Variants in GRM1 observed in about 807,000 individuals in gnomAD.
The protein encoded by GRM1 is glutamate metabotropic receptor 1.
In GRM1, 33 loss-of-function variants were observed where a neutral mutation model predicts 90.9. That is an observed-to-expected ratio of 0.36 (90% CI 0.28 to 0.49). The LOEUF (loss-of-function observed/expected upper bound fraction) is 0.49. Among genes scored for constraint, GRM1 ranks in the 20% least tolerant of loss-of-function variants. The pLI, the probability that GRM1 is intolerant of heterozygous loss-of-function variation, is 0.99. For missense variants in GRM1, 1,190 were observed against 1,534.3 expected, an observed-to-expected ratio of 0.78 and a Z score of 3.75; for synonymous variants, 700 against 613.2, an observed-to-expected ratio of 1.14 and a Z score of -2.09.
chr6:146,108,344 T>C (rs1050581980), intron 1 of GRM1, among the ~76,000 whole-genome samples: 47 of 151,910 alleles, frequency 3.1e-4, no homozygotes, highest in African/African-American at 1.1e-3. Context: ...TGGTGGGAGG[T>C]GATTAAATGA....
At chr6:146,418,813 C>A (rs1178129465) in intron 7 of GRM1, among the ~76,000 whole-genome samples, 1 of 152,104 alleles carries the variant, frequency 6.6e-6, no homozygotes, top group African/African-American at 2.4e-5. Flanking sequence ...CCTACCCAGG[C>A]AGTCCCAATT....
At position 146,434,281 on chromosome 6, in the gene GRM1, C is replaced by T; in HGVS notation, c.3070C>T (p.Pro1024Ser). Residue 1024 changes from proline to serine, a missense_variant, in exon 8 of 8, where the codon CCT becomes TCT. Physicochemically the swap from Pro to Ser is moderately conservative, Grantham distance 74. Around this residue, in one of 10 missense-constraint regions of GRM1, gnomAD observed 400 missense variants for 360.8 expected, o/e 1.11. Transcript: ENST00000282753. ...TCCTCTCCAGCAGCAGCAGCAACCC[C>T]CTCCACAGCAGAAATCGCTGATGGA... ...PPPLQQQQQP[P>S]PQQKSLMDQL... is the part of the protein sequence containing the mutation. The T allele has an allele frequency of 6.2e-7, 1 of 1,602,370 alleles. No individual in the cohort carries two copies. Among genetic ancestry groups the T allele is most frequent in the Non-Finnish European group, 8.5e-7 (1 of 1,172,444 alleles).
intron 2 of GRM1, among the ~76,000 whole-genome samples, chr6:146,270,879 T>G (rs564448501): frequency 7.3e-5 from 7 of 96,088 alleles, no homozygotes; most frequent in African/African-American, 3.6e-4. Flanking sequence ...CTTTCTTTCT[T>G]TCTTTCTTTC....
chr6:146,273,598 C>A (rs1228089371), intron 2 of GRM1, among the ~76,000 whole-genome samples: 1 of 152,172 alleles, frequency 6.6e-6, no homozygotes, highest in African/African-American at 2.4e-5. Context: ...CTAAGTGATG[C>A]CTAGGGCTTA....
chr6:146,344,299 C>T (rs533045678), intron 3 of GRM1, among the ~76,000 whole-genome samples: 10 of 152,268 alleles, frequency 6.6e-5, no homozygotes, highest in Admixed American at 1.3e-4. Flanking sequence ...TAGTGCAGTG[C>T]TTATATGTCA....
chr6:146,036,118 A>G (rs1790882180), intron 1 of GRM1, among the ~76,000 whole-genome samples: 2 of 151,994 alleles, frequency 1.3e-5, no homozygotes, highest in South Asian at 4.1e-4. Flanking sequence ...TAGGGAGCTA[A>G]TATACAATAA....
rs189773977 is a variant in GRM1, at chr6:146,338,894, C to T, written c.1187-13356C>T. Among the ~76,000 whole-genome samples the T allele has an allele frequency of 8.5e-5, 13 of 152,290 alleles. No homozygotes were observed. The East Asian group carries it at 2.3e-3, about 27-fold the overall frequency. On this transcript the variant is annotated intron_variant, in intron 3 of 7. Coordinates refer to ENST00000282753, the MANE Select transcript of GRM1 (RefSeq NM_001278064.2). The stretch of plus-strand genomic sequence containing the variant: ...CCCTTCCTCCTTCTTCTCTTCTCTA[C>T]TCTGTGTCTTATTCTTGCTTAATAG...
At chr6:146,397,046 G>T (rs1232607124) in intron 6 of GRM1, among the ~76,000 whole-genome samples, 1 of 152,170 alleles carries the variant, frequency 6.6e-6, no homozygotes, top group Non-Finnish European at 1.5e-5. Flanking sequence ...CAGAATGCGG[G>T]CACGAGGGGG....
chr6:146,361,705 G>T (rs1775481838), intron 5 of GRM1, among the ~76,000 whole-genome samples: 1 of 152,172 alleles, frequency 6.6e-6, no homozygotes, highest in African/African-American at 2.4e-5. Context: ...AGACCCAGAG[G>T]GATTGAGTCA....
chr6:146,361,926 G>A (rs959796661), intron 5 of GRM1, among the ~76,000 whole-genome samples: 6 of 152,114 alleles, frequency 3.9e-5, no homozygotes, highest in South Asian at 2.1e-4. Context: ...TTAAAATGCC[G>A]AGGGAACAGA....
intron 2 of GRM1, among the ~76,000 whole-genome samples, chr6:146,198,988 T>A (rs955233605): frequency 6.6e-6 from 1 of 152,204 alleles, no homozygotes; most frequent in African/African-American, 2.4e-5. Flanking sequence ...CTTCCTGGCT[T>A]AAGAGGAAAA....
chr6:146,383,556 C>T (rs1776395660), intron 5 of GRM1, among the ~76,000 whole-genome samples: 1 of 151,902 alleles, frequency 6.6e-6, no homozygotes, highest in African/African-American at 2.4e-5. Flanking sequence ...TGAATTTTTT[C>T]AGAAAAGACT....
intron 2 of GRM1, among the ~76,000 whole-genome samples, chr6:146,239,882 A>C (rs1413822839): frequency 6.6e-6 from 1 of 152,126 alleles, no homozygotes; most frequent in Non-Finnish European, 1.5e-5. Context: ...GTAGTCCAAC[A>C]GTCTCCATTT....
At chr6:146,197,655 A>G (rs1208903439) in intron 2 of GRM1, among the ~76,000 whole-genome samples, 1 of 152,248 alleles carries the variant, frequency 6.6e-6, no homozygotes, top group African/African-American at 2.4e-5. Context: ...AAATTATAGG[A>G]GAAAAGTCTA....
chr6:146,123,683 C>T (rs1776089533), intron 1 of GRM1, among the ~76,000 whole-genome samples: 1 of 152,178 alleles, frequency 6.6e-6, no homozygotes, highest in Non-Finnish European at 1.5e-5. Flanking sequence ...CTGAGAGGAA[C>T]ACTCACTTTG....
At chr6:146,161,751 TC>T (rs1399184049) in intron 2 of GRM1, among the ~76,000 whole-genome samples, 1 of 152,168 alleles carries the variant, frequency 6.6e-6, no homozygotes, top group Non-Finnish European at 1.5e-5. Context: ...TCCACGAGTG[TC>T]TATCAAAATG....
intron 6 of GRM1, among the ~76,000 whole-genome samples, chr6:146,391,617 T>G (rs949658694): frequency 6.6e-6 from 1 of 151,948 alleles, no homozygotes; most frequent in Non-Finnish European, 1.5e-5. Flanking sequence ...ATTACATAAT[T>G]GGACAAATGA....
At chr6:146,273,649 A>C (rs1198305782) in intron 2 of GRM1, among the ~76,000 whole-genome samples, 1 of 152,150 alleles carries the variant, frequency 6.6e-6, no homozygotes, top group Non-Finnish European at 1.5e-5. Context: ...TAGTCACATG[A>C]TCTCTCTTAA....
Position 146,311,060 on chromosome 6 carries a change from A to G in GRM1, c.1186+6214A>G, listed in dbSNP as rs542564863. On this transcript the variant is annotated intron_variant, in intron 3 of 7. Coordinates refer to ENST00000282753, the MANE Select transcript of GRM1 (RefSeq NM_001278064.2). ...AGTTGGTTTAATTAAATTATGGGAC[A>G]TAATTCCTCAACCCAATAGTAGAAT... Among the ~76,000 whole-genome samples the G allele has an allele frequency of 1.4e-4, 21 of 152,356 alleles. No individual in the cohort carries two copies. The East Asian group carries it at 3.7e-3, about 27-fold the overall frequency.
Sources: allele counts gnomAD v4.1 joint callset (sites outside exome capture counted in the v4.1 genomes callset), GRCh38; gene constraint gnomAD v4.1.1; regional missense constraint gnomAD v4.1.1; transcripts MANE v1.5; gene names NCBI Gene and HGNC (gene_info 2026-07-23, HGNC 2026-07-21).